The following POLQ variants were observed in gnomAD, a reference collection of about 807,000 sequenced individuals.
POLQ encodes the protein epididymis secretory sperm binding protein.
A neutral mutation model predicts 259.2 loss-of-function variants in POLQ; 233 were observed. The observed-to-expected ratio is 0.90, with a 90% CI of 0.81 to 1.00. The LOEUF is 1.00. POLQ is among the 50% of genes least tolerant of loss of function. POLQ has a pLI of 0.00. For missense variants in POLQ, 2,871 were observed against 3,051.6 expected (o/e 0.94, Z 1.39); for synonymous variants, 1,025 against 1,048.8 (o/e 0.98, Z 0.44).
intron 12 of POLQ, among the ~76,000 whole-genome samples, chr3:121,502,518 T>A (rs1226468216): frequency 6.6e-6 from 1 of 152,210 alleles, no homozygotes; most frequent in African/African-American, 2.4e-5. Flanking sequence ...TGCATATAAT[T>A]GAATTGTTGG....
At chr3:121,438,210 T>C (rs2047560615) in intron 27 of POLQ, among the ~76,000 whole-genome samples, 1 of 152,188 alleles carries the variant, frequency 6.6e-6, no homozygotes, top group Non-Finnish European at 1.5e-5. Context: ...CTATTCCTAA[T>C]TCAGAGGGCT....
At chr3:121,510,450 G>A (rs976746595) in intron 10 of POLQ, among the ~76,000 whole-genome samples, 4 of 151,908 alleles carry the variant, frequency 2.6e-5, no homozygotes, top group Non-Finnish European at 4.4e-5. Flanking sequence ...GGTGGCAGGC[G>A]CCTGTAGTCC....
At position 121,439,582 on chromosome 3, in the gene POLQ, T is replaced by A. The variant is rs2047572349; in HGVS notation, c.7389+410A>T. Among the ~76,000 whole-genome samples the A allele has an allele frequency of 2.0e-5, 3 of 152,182 alleles. No homozygotes were observed. The South Asian group carries it at 6.2e-4, about 32-fold the overall frequency. On this transcript the variant is annotated intron_variant, in intron 27 of 29. Transcript: ENST00000264233. ...ACAAGTAGAATGAACCAAAAATTAA[T>A]CAAAATTTAGTGACTGGCTAATCTC...
rs1159386001 is a variant in POLQ at position 121,498,414 on chromosome 3, G to A, written c.2153+63C>T. The A allele has an allele frequency of 2.7e-6, 3 of 1,104,948 alleles. No homozygotes were observed. The African/African-American group carries it at 4.7e-5, about 17-fold the overall frequency. The allele number at this position is 1,104,948 out of a possible 1,614,324, so 68.4% of individuals were successfully genotyped here. ...CAATGAAAGTGACTACAATAAACTG[G>A]GCGTCTACTACATGCAAGACACTGT... On this transcript the variant is annotated intron_variant, in intron 13 of 29. Coordinates refer to ENST00000264233, the MANE Select transcript of POLQ (RefSeq NM_199420.4).
chr3:121,490,440 A>T (rs781292847), intron 15 of POLQ, 32 bp from the exon 16 acceptor site: 12 of 1,553,540 alleles, frequency 7.7e-6, no homozygotes, highest in African/African-American at 2.7e-5. Flanking sequence ...GACAGAAATG[A>T]ATTCATTCAT....
At chr3:121,519,439 G>T (rs1355651958) in intron 9 of POLQ, among the ~76,000 whole-genome samples, 1 of 147,962 alleles carries the variant, frequency 6.8e-6, no homozygotes, top group Non-Finnish European at 1.5e-5. Flanking sequence ...ACTTTGGGAG[G>T]CCGAGGCAGG....
chr3:121,433,107 G>A (rs2047514725), intron 28 of POLQ, 74 bp from the exon 29 acceptor site: 4 of 790,176 alleles, frequency 5.1e-6, no homozygotes, highest in Non-Finnish European at 4.5e-6. Flanking sequence ...GAGATTCTGA[G>A]TAACTCTGAG....
At chr3:121,511,490 A>C (rs1425204908) in intron 10 of POLQ, among the ~76,000 whole-genome samples, 1 of 152,148 alleles carries the variant, frequency 6.6e-6, no homozygotes, top group African/African-American at 2.4e-5. Context: ...AACAAAAAAA[A>C]CATAAAGCAC....
chr3:121,467,661 T>A (rs2047849880), intron 23 of POLQ, 21 bp from the exon 24 acceptor site: 1 of 1,611,546 alleles, frequency 6.2e-7, no homozygotes, highest in East Asian at 2.2e-5. Flanking sequence ...AACAACATCA[T>A]CAGTTAGACA....
intron 7 of POLQ, among the ~76,000 whole-genome samples, chr3:121,528,695 G>A (rs766370981): frequency 2.6e-5 from 4 of 152,084 alleles, no homozygotes; most frequent in Non-Finnish European, 5.9e-5. Context: ...GCTCATGCCT[G>A]TAATCCCAGC....
Position 121,484,583 on chromosome 3 carries a change from G to A in POLQ, c.5773+458C>T, listed in dbSNP as rs375664873. On this transcript the variant is annotated intron_variant, in intron 17 of 29. Coordinates refer to ENST00000264233, the MANE Select transcript of POLQ (RefSeq NM_199420.4). ...AATTCTAGTTAATATATGCAATAAT[G>A]TACATGCCAGCTGCTCTCCAAAAAA... Among the ~76,000 whole-genome samples, 8 of 152,268 alleles carry A rather than the reference G, an allele frequency of 5.3e-5. No homozygotes were observed. In the East Asian group the frequency reaches 1.5e-3, roughly 29 times the overall value.
In POLQ at chr3:121,490,105, T is replaced by C. The variant is rs1471776510; in HGVS notation, c.2826A>G (p.Thr942=). The change falls in exon 16 of 30, where the codon ACA becomes ACG. Residue 942 remains threonine, a synonymous_variant. Transcript: ENST00000264233. ...KKLTSKNKSN[T]IFSDSYIKHS... The stretch of plus-strand genomic sequence containing the variant: ...GCTTAATATAAGAATCACTAAATAT[T>C]GTGTTACTTTTGTTCTTTGATGTTA... 2.5e-6 allele frequency: 4 copies of C among 1,599,358 alleles called. No homozygotes were observed. Among genetic ancestry groups the C allele is most frequent in the Non-Finnish European group, 3.4e-6 (4 of 1,170,322 alleles).
At chr3:121,474,169 TC>T (rs1168519410) in intron 20 of POLQ, among the ~76,000 whole-genome samples, 4 of 152,130 alleles carry the variant, frequency 2.6e-5, no homozygotes, top group South Asian at 2.1e-4. Flanking sequence ...GCCCCATAGA[TC>T]AACATGGAAG....
At chr3:121,448,543 T>C (rs534497525) in intron 26 of POLQ, among the ~76,000 whole-genome samples, 3 of 151,850 alleles carry the variant, frequency 2.0e-5, no homozygotes, top group East Asian at 1.9e-4. Flanking sequence ...ATTTTTGTAT[T>C]TTTAGTAGAG....
rs1417002351 is a variant in POLQ, at chr3:121,489,294, T to C, written c.3637A>G (p.Ile1213Val). 1 of 1,613,742 alleles carries C rather than the reference T, an allele frequency of 6.2e-7. No homozygotes were observed. Among genetic ancestry groups the C allele is most frequent in the East Asian group, 2.2e-5 (1 of 44,882 alleles). ...QTSTITKQKN[I>V]IERQMPCEAV... ...TCACAGGGCATTTGTCTCTCTATTA[T>C]ATTTTTCTGTTTGGTAATAGTGCTT... is the stretch of plus-strand genomic sequence containing the variant. The change falls in exon 16 of 30, where the codon ATA becomes GTA. Residue 1213 changes from isoleucine to valine, a missense_variant. Physicochemically the swap from Ile to Val is conservative, Grantham distance 29. This residue lies in a region of POLQ where 2,080 missense variants were observed against 2,126.0 expected (regional missense o/e 0.98). Coordinates refer to ENST00000264233, the MANE Select transcript of POLQ (RefSeq NM_199420.4).
chr3:121,536,181 A>G (rs1301675590), intron 5 of POLQ, among the ~76,000 whole-genome samples: 1 of 152,246 alleles, frequency 6.6e-6, no homozygotes, highest in Non-Finnish European at 1.5e-5. Context: ...TCATTTATAT[A>G]GTCATAATAG....
intron 2 of POLQ, 38 bp downstream of exon 2, chr3:121,544,689 T>G (rs752943872): frequency 3.7e-6 from 5 of 1,334,268 alleles, no homozygotes; most frequent in Admixed American, 1.8e-5. Flanking sequence ...TACATTCATA[T>G]CTTAAAAATA....
intron 19 of POLQ, among the ~76,000 whole-genome samples, chr3:121,481,224 T>C (rs1186363312): frequency 1.3e-5 from 2 of 152,226 alleles, no homozygotes; most frequent in South Asian, 2.1e-4. Flanking sequence ...ACTGCATAAA[T>C]GCGATTTTGT....
At chr3:121,529,511 T>TA in intron 7 of POLQ, 134 bp downstream of exon 7, 1 of 813,478 alleles carries the variant, frequency 1.2e-6, no homozygotes, top group East Asian at 2.4e-5. Flanking sequence ...CACAGTTTGG[T>TA]AAAAAGGATA....
Sources: gnomAD v4.1 joint callset for allele counts (sites outside exome capture counted in the v4.1 genomes callset) on GRCh38, gnomAD v4.1.1 for gene constraint, gnomAD v4.1.1 regional missense constraint, MANE v1.5 for transcripts, NCBI Gene and HGNC (gene_info 2026-07-23, HGNC 2026-07-21) for gene names.